The following BMPR1B variants were observed in gnomAD, a reference collection of about 807,000 sequenced individuals.
The protein encoded by BMPR1B is bone morphogenetic protein receptor type-1B.
Under a neutral mutation model 59.1 loss-of-function variants are expected in BMPR1B, and 12 were observed. The ratio of observed to expected loss-of-function variants is 0.20; its 90% CI spans 0.13 to 0.33. The LOEUF (loss-of-function observed/expected upper bound fraction) is 0.33. BMPR1B is among the 10% of genes least tolerant of loss of function. The pLI, the probability that BMPR1B is intolerant of heterozygous loss-of-function variation, is 1.00. For missense variants in BMPR1B, 550 were observed against 610.9 expected (o/e 0.90, Z 1.05); for synonymous variants, 237 against 207.3 (o/e 1.14, Z -1.23).
At position 94,819,756 on chromosome 4, in the gene BMPR1B, A is replaced by G. The variant is rs1356033933; in HGVS notation, c.-182-56075A>G. 2.0e-5 allele frequency among the ~76,000 whole-genome samples: 3 copies of G among 152,368 alleles called. No homozygotes were observed. In the East Asian group the frequency reaches 5.8e-4, roughly 29 times the overall value. On this transcript the variant is annotated intron_variant, in intron 1 of 12. Transcript: ENST00000515059. ...AGGGATTTTGTGAGAATATGTAAGT[A>G]TCTGCTTAATGGTAAGAAATGAACC...
chr4:94,774,630 A>G (rs1722302241), intron 1 of BMPR1B, among the ~76,000 whole-genome samples: 1 of 151,994 alleles, frequency 6.6e-6, no homozygotes, highest in African/African-American at 2.4e-5. Flanking sequence ...CTTTGGGAAA[A>G]TATTCTGTTA....
At chr4:95,064,807 A>C (rs1727677538) in intron 3 of BMPR1B, among the ~76,000 whole-genome samples, 1 of 152,184 alleles carries the variant, frequency 6.6e-6, no homozygotes, top group Non-Finnish European at 1.5e-5. Flanking sequence ...TATCAGAGAA[A>C]TTCAATCAAA....
chr4:95,131,607 G>A, intron 10 of BMPR1B, 95 bp downstream of exon 10: 3 of 1,388,804 alleles, frequency 2.2e-6, no homozygotes, highest in Non-Finnish European at 3.0e-6. Flanking sequence ...AGTAGAAGAG[G>A]AATATCATTA....
chr4:94,930,316 T>C (rs942694751), intron 2 of BMPR1B, among the ~76,000 whole-genome samples: 1 of 152,122 alleles, frequency 6.6e-6, no homozygotes, highest in African/African-American at 2.4e-5. Flanking sequence ...ACACATTCCA[T>C]GATTAGCTCC....
At chr4:94,764,364 A>G (rs946145101) in intron 1 of BMPR1B, among the ~76,000 whole-genome samples, 2 of 152,110 alleles carry the variant, frequency 1.3e-5, no homozygotes, top group Admixed American at 1.3e-4. Context: ...ACTGAAAGTC[A>G]TTGCTCTTCC....
At chr4:95,117,630 A>AT (rs1732167107) in intron 6 of BMPR1B, among the ~76,000 whole-genome samples, 1 of 151,844 alleles carries the variant, frequency 6.6e-6, no homozygotes, top group Admixed American at 6.6e-5. Flanking sequence ...AAAAAAAAAA[A>AT]TTTTAATGAT....
intron 3 of BMPR1B, among the ~76,000 whole-genome samples, chr4:95,052,112 T>A (rs763529358): frequency 6.6e-6 from 1 of 152,316 alleles, no homozygotes; most frequent in South Asian, 2.1e-4. Flanking sequence ...TCTAACAAAC[T>A]TTTTTCTGAT....
chr4:95,029,909 GTCT>G (rs1188131997), intron 3 of BMPR1B, among the ~76,000 whole-genome samples: 1 of 152,070 alleles, frequency 6.6e-6, no homozygotes, highest in Non-Finnish European at 1.5e-5. Flanking sequence ...CTGCATAAAT[GTCT>G]TCTTTTGAGA....
chr4:94,993,088 G>C lies in BMPR1B; in HGVS notation c.-112-2952G>C, dbSNP rs1030128710. Among the ~76,000 whole-genome samples, 6 of 152,078 alleles carry C rather than the reference G, an allele frequency of 3.9e-5. 2 individuals carry two copies. Among genetic ancestry groups the C allele is most frequent in the Middle Eastern group, 6.8e-3 (2 of 294 alleles). On this transcript the variant is annotated intron_variant, in intron 2 of 12. Coordinates refer to ENST00000515059, the MANE Select transcript of BMPR1B (RefSeq NM_001203.3). ...AAATTTTTTGTAGAGACAAGGTCTTGCTATGTTTCCCAGGCTGGTCTCGAA... is the reference window on the plus strand; with the variant it reads ...AAATTTTTTGTAGAGACAAGGTCTTCCTATGTTTCCCAGGCTGGTCTCGAA...
intron 2 of BMPR1B, among the ~76,000 whole-genome samples, chr4:94,916,190 A>G (rs1368545104): frequency 6.6e-6 from 1 of 152,296 alleles, no homozygotes; most frequent in South Asian, 2.1e-4. Context: ...TGTACTGAGG[A>G]GTTAGGCATT....
intron 2 of BMPR1B, among the ~76,000 whole-genome samples, chr4:94,979,280 A>G (rs1731147419): frequency 6.6e-6 from 1 of 152,234 alleles, no homozygotes; most frequent in Non-Finnish European, 1.5e-5. Context: ...TCCAGTCTTT[A>G]CAGGTCAACT....
chr4:95,041,542 G>A (rs934036309), intron 3 of BMPR1B, among the ~76,000 whole-genome samples: 1 of 151,436 alleles, frequency 6.6e-6, no homozygotes, highest in Non-Finnish European at 1.5e-5. Context: ...AGACTTTCTG[G>A]TAGTCATGTT....
intron 1 of BMPR1B, among the ~76,000 whole-genome samples, chr4:94,867,215 C>T (rs1268427610): frequency 6.6e-6 from 1 of 152,130 alleles, no homozygotes; most frequent in East Asian, 1.9e-4. Flanking sequence ...CATTCTCAAG[C>T]ATGCCTCCAG....
chr4:95,019,380 G>C (rs1723809531), intron 3 of BMPR1B, among the ~76,000 whole-genome samples: 2 of 152,124 alleles, frequency 1.3e-5, no homozygotes, highest in African/African-American at 4.8e-5. Context: ...AAAATAAATG[G>C]AACTGCTTTA....
At chr4:95,064,226 G>A (rs1239781829) in intron 3 of BMPR1B, among the ~76,000 whole-genome samples, 2 of 152,170 alleles carry the variant, frequency 1.3e-5, no homozygotes, top group African/African-American at 2.4e-5. Flanking sequence ...TTTAGAACAG[G>A]GGTTCCCAAC....
At position 95,154,900 on chromosome 4, in the gene BMPR1B, G is replaced by T; in HGVS notation, c.*227G>T. The T allele has an allele frequency of 5.5e-6, 3 of 548,974 alleles. No homozygotes were observed. The highest frequency in any genetic ancestry group is 3.3e-5 in the East Asian group (1 of 30,448). The allele number at this position is 548,974 out of a possible 1,614,324, so 34.0% of individuals were successfully genotyped here. ...GTTTGTAGGACGGAGAAACCGCTTG[G>T]GTAACTTGTTCAAGATATGATGCAT... On this transcript the variant is annotated 3_prime_UTR_variant, in exon 13 of 13. Coordinates refer to ENST00000515059, the MANE Select transcript of BMPR1B (RefSeq NM_001203.3).
chr4:94,857,860 A>C (rs1725822399), intron 1 of BMPR1B, among the ~76,000 whole-genome samples: 1 of 152,266 alleles, frequency 6.6e-6, no homozygotes, highest in South Asian at 2.1e-4. Flanking sequence ...TTAGAAAACA[A>C]TGTGTTAATG....
intron 2 of BMPR1B, among the ~76,000 whole-genome samples, chr4:94,918,000 C>T (rs1303448034): frequency 6.6e-6 from 1 of 152,010 alleles, no homozygotes; most frequent in Non-Finnish European, 1.5e-5. Context: ...CTGCTTGCAC[C>T]ATGTGACATG....
intron 1 of BMPR1B, among the ~76,000 whole-genome samples, chr4:94,804,902 G>A (rs1249613339): frequency 7.9e-5 from 12 of 152,174 alleles, no homozygotes; most frequent in Non-Finnish European, 1.5e-4. Flanking sequence ...CCTCTTCTGC[G>A]TCAGCTTTCT....
Sources: gnomAD v4.1 joint callset for allele counts (sites outside exome capture counted in the v4.1 genomes callset) on GRCh38, gnomAD v4.1.1 for gene constraint, MANE v1.5 for transcripts, NCBI Gene and HGNC (gene_info 2026-07-23, HGNC 2026-07-21) for gene names.